The following SHISA9 variants were observed in gnomAD, a reference collection of about 807,000 sequenced individuals.
The protein encoded by SHISA9 is shisa family member 9.
In SHISA9, 13 loss-of-function variants were observed where a neutral mutation model predicts 38.0. The ratio of observed to expected loss-of-function variants is 0.34; its 90% CI spans 0.22 to 0.54. SHISA9 has a LOEUF of 0.54. Among genes scored for constraint, SHISA9 ranks in the 20% least tolerant of loss-of-function variants. SHISA9 has a pLI of 0.91. For missense variants in SHISA9, 538 were observed against 575.8 expected (o/e 0.93, Z 0.67); for synonymous variants, 275 against 242.0 (o/e 1.14, Z -1.27).
the SHISA9 span, among the ~76,000 whole-genome samples, chr16:13,512,317 T>C: frequency 4.1e-4 from 62 of 152,062 alleles, no homozygotes; most frequent in African/African-American, 1.4e-3. Flanking sequence ...TGAAGGACCT[T>C]TTCAAGGAAA....
At chr16:13,287,964 G>A in the SHISA9 span, among the ~76,000 whole-genome samples, 1,682 of 152,264 alleles carry the variant, frequency 0.011, 32 homozygotes, top group African/African-American at 0.038. Flanking sequence ...CATTCACAGA[G>A]AAGAGTGTGG....
At chr16:13,366,541 T>G in the SHISA9 span, among the ~76,000 whole-genome samples, 1 of 152,048 alleles carries the variant, frequency 6.6e-6, no homozygotes, top group Non-Finnish European at 1.5e-5. Context: ...ACACTGTGAG[T>G]AGCAAGAATC....
At chr16:12,985,574 G>C (rs2072297709) in intron 2 of SHISA9, among the ~76,000 whole-genome samples, 1 of 152,182 alleles carries the variant, frequency 6.6e-6, no homozygotes, top group Non-Finnish European at 1.5e-5. Context: ...AGCTCATCCA[G>C]AAGTGAATTA....
intron 2 of SHISA9, among the ~76,000 whole-genome samples, chr16:12,919,381 T>G (rs1015017784): frequency 6.6e-6 from 1 of 152,232 alleles, no homozygotes; most frequent in Non-Finnish European, 1.5e-5. Context: ...CTATTTTCAG[T>G]TTGTTCTTCA....
the SHISA9 span, among the ~76,000 whole-genome samples, chr16:13,430,154 A>G: frequency 1.3e-5 from 2 of 152,202 alleles, no homozygotes; most frequent in Non-Finnish European, 2.9e-5. Flanking sequence ...TTGATCTCAG[A>G]CGTCTTGTCT....
chr16:13,292,579 T>C, the SHISA9 span, among the ~76,000 whole-genome samples: 1 of 152,154 alleles, frequency 6.6e-6, no homozygotes, highest in African/African-American at 2.4e-5. Flanking sequence ...GCCTCCATCA[T>C]GTAATCAAGC....
chr16:13,434,516 C>A, the SHISA9 span, among the ~76,000 whole-genome samples: 1 of 149,874 alleles, frequency 6.7e-6, no homozygotes, highest in African/African-American at 2.4e-5. Flanking sequence ...CTCCCAGGTT[C>A]ACACCATTCT....
intron 4 of SHISA9, among the ~76,000 whole-genome samples, chr16:13,228,938 A>T (rs2051304901): frequency 6.6e-6 from 1 of 152,086 alleles, no homozygotes; most frequent in Admixed American, 6.5e-5. Flanking sequence ...AGGTGGGTGG[A>T]TCACTTCAGG....
At chr16:13,137,917 A>G (rs1221099384) in intron 2 of SHISA9, among the ~76,000 whole-genome samples, 1 of 151,814 alleles carries the variant, frequency 6.6e-6, no homozygotes, top group East Asian at 1.9e-4. Context: ...GCTAACTCGT[A>G]TTTTTCTTCA....
chr16:13,340,737 C>T, the SHISA9 span, among the ~76,000 whole-genome samples: 1 of 152,178 alleles, frequency 6.6e-6, no homozygotes, highest in Non-Finnish European at 1.5e-5. Context: ...GGCTTTAACT[C>T]ATGTCATCTC....
At chr16:13,514,090 G>A in the SHISA9 span, among the ~76,000 whole-genome samples, 2 of 152,144 alleles carry the variant, frequency 1.3e-5, no homozygotes, top group East Asian at 3.8e-4. Flanking sequence ...TGTCTCCTGG[G>A]TTCAAGTGAT....
At chr16:12,965,644 G>A (rs1051481695) in intron 2 of SHISA9, among the ~76,000 whole-genome samples, 4 of 152,232 alleles carry the variant, frequency 2.6e-5, no homozygotes, top group African/African-American at 9.6e-5. Flanking sequence ...AATATAGAAT[G>A]GAGTGTGCAG....
the SHISA9 span, among the ~76,000 whole-genome samples, chr16:13,490,122 G>C: frequency 6.6e-6 from 1 of 152,158 alleles, no homozygotes; most frequent in Admixed American, 6.5e-5. Flanking sequence ...GAGATGTTTG[G>C]CTGCAGCTGA....
the SHISA9 span, among the ~76,000 whole-genome samples, chr16:13,512,283 T>G: frequency 6.6e-6 from 1 of 151,902 alleles, no homozygotes. Flanking sequence ...ATAAAATACC[T>G]AGGAACACAG....
At chr16:13,189,078 C>T (rs986052063) in intron 2 of SHISA9, among the ~76,000 whole-genome samples, 1 of 152,216 alleles carries the variant, frequency 6.6e-6, no homozygotes, top group Non-Finnish European at 1.5e-5. Context: ...GGAGAACCCT[C>T]CCAAGGAACT....
chr16:13,040,949 C>T (rs1448321711), intron 2 of SHISA9, among the ~76,000 whole-genome samples: 1 of 152,190 alleles, frequency 6.6e-6, no homozygotes, highest in Non-Finnish European at 1.5e-5. Context: ...GAGTCTCACC[C>T]AAGTGACCCC....
chr16:13,053,911 G>A (rs1406201630), intron 2 of SHISA9, among the ~76,000 whole-genome samples: 1 of 152,182 alleles, frequency 6.6e-6, no homozygotes. Flanking sequence ...AAAGCAATGA[G>A]GCCAAGAAGC....
the SHISA9 span, among the ~76,000 whole-genome samples, chr16:13,327,292 G>C: frequency 6.6e-6 from 1 of 152,106 alleles, no homozygotes; most frequent in Non-Finnish European, 1.5e-5. Context: ...GGTGGACCCT[G>C]TACTTTTTAG....
At chr16:13,112,694 C>G (rs952343298) in intron 2 of SHISA9, among the ~76,000 whole-genome samples, 1 of 151,946 alleles carries the variant, frequency 6.6e-6, no homozygotes, top group African/African-American at 2.4e-5. Flanking sequence ...GTGGCTTCAT[C>G]TCTTATTTGG....
Sources: allele counts gnomAD v4.1 joint callset (sites outside exome capture counted in the v4.1 genomes callset), GRCh38; gene constraint gnomAD v4.1.1; transcripts MANE v1.5; gene names NCBI Gene and HGNC (gene_info 2026-07-23, HGNC 2026-07-21).